Variants in MPP4 observed in about 807,000 individuals in gnomAD.
The protein encoded by MPP4 is MAGUK p55 scaffold protein 4.
Under a neutral mutation model 98.3 loss-of-function variants are expected in MPP4, and 91 were observed. The ratio of observed to expected loss-of-function variants is 0.93; its 90% CI spans 0.78 to 1.10. MPP4 has a LOEUF of 1.10. Among genes scored for constraint, MPP4 ranks in the 50% least tolerant of loss-of-function variants. The probability of loss-of-function intolerance (pLI) is 0.00; values close to 1 mark genes in which losing one functional copy is unlikely to be tolerated. For missense variants in MPP4, 744 were observed against 792.9 expected, an observed-to-expected ratio of 0.94 and a Z score of 0.74; for synonymous variants, 261 against 271.8, an observed-to-expected ratio of 0.96 and a Z score of 0.39.
At chr2:201,684,969 A>C in intron 7 of MPP4, 95 bp downstream of exon 7, 1 of 1,121,288 alleles carries the variant, frequency 8.9e-7, no homozygotes, top group Admixed American at 2.9e-5. Flanking sequence ...AAGAAAAAAA[A>C]AAAGAAAAAA....
chr2:201,661,517 G>A (rs1417497409), intron 14 of MPP4: 3 of 456,390 alleles, frequency 6.6e-6, no homozygotes, highest in East Asian at 1.4e-4. Context: ...TTCCAGCTGA[G>A]AGGAGTCCAC....
intron 1 of MPP4, among the ~76,000 whole-genome samples, chr2:201,695,289 G>A (rs1468793): frequency 0.32 from 47,931 of 151,982 alleles, 8,196 homozygotes; most frequent in East Asian, 0.64. Context: ...AAGAAAACAC[G>A]GGCAAAGAAA....
At chr2:201,691,457 C>T (rs558591235) in intron 3 of MPP4, among the ~76,000 whole-genome samples, 4 of 152,014 alleles carry the variant, frequency 2.6e-5, no homozygotes, top group African/African-American at 7.2e-5. Context: ...ATCTATTAGA[C>T]GCTATTGTAT....
chr2:201,664,473 G>A (rs1485060265), intron 13 of MPP4: 1 of 761,700 alleles, frequency 1.3e-6, no homozygotes, highest in Non-Finnish European at 1.8e-6. Context: ...AGGGCTTGCC[G>A]ATGTAGGAGG....
intron 7 of MPP4, 102 bp downstream of exon 7, chr2:201,684,961 GA>G (rs71025250): frequency 0.37 from 242,055 of 649,428 alleles, 27,653 homozygotes; most frequent in South Asian, 0.42. Flanking sequence ...AAAAAAAAAA[GA>G]AAAAAAAAAA....
intron 7 of MPP4, among the ~76,000 whole-genome samples, chr2:201,683,398 T>C (rs1418138881): frequency 1.3e-5 from 2 of 152,078 alleles, no homozygotes; most frequent in Admixed American, 6.6e-5. Context: ...AAACGAAGCA[T>C]GATAAAAAAT....
At chr2:201,675,023 C>A (rs1224082554) in intron 11 of MPP4, 184 bp downstream of exon 11, 1 of 736,032 alleles carries the variant, frequency 1.4e-6, no homozygotes. Flanking sequence ...ACCACCCCCA[C>A]GCCCTCCCCA....
chr2:201,675,161 CTTTA>C, intron 11 of MPP4, 42 bp downstream of exon 11: 1 of 1,558,614 alleles, frequency 6.4e-7, no homozygotes, highest in Non-Finnish European at 8.7e-7. Context: ...ATGCCATGGT[CTTTA>C]TTGCAAACAG....
chr2:201,666,578 C>T lies in MPP4; in HGVS notation c.1013-206G>A, dbSNP rs369040612. On this transcript the variant is annotated intron_variant, in intron 12 of 21. Coordinates refer to ENST00000409474, the MANE Select transcript of MPP4 (RefSeq NM_033066.3). ...TCTACCAAAAAAAACAAAAATTAGTCGGGTGTGGTAGCACATGCCTATATA... is the reference window on the plus strand; with the variant it reads ...TCTACCAAAAAAAACAAAAATTAGTTGGGTGTGGTAGCACATGCCTATATA... The T allele has an allele frequency of 3.4e-4, 153 of 445,222 alleles. 2 individuals carry two copies. In the East Asian group the frequency reaches 4.8e-3, roughly 14 times the overall value. 27.6% of individuals were successfully genotyped at this position (445,222 alleles called of 1,614,324 possible).
intron 19 of MPP4, 114 bp downstream of exon 19, chr2:201,649,958 C>T: frequency 9.1e-7 from 1 of 1,095,804 alleles, no homozygotes; most frequent in Admixed American, 2.8e-5. Context: ...TTGCTTAACT[C>T]CTCAGAAACA....
chr2:201,683,241 A>C (rs13402805), intron 7 of MPP4, among the ~76,000 whole-genome samples: 1 of 152,130 alleles, frequency 6.6e-6, no homozygotes, highest in African/African-American at 2.4e-5. Flanking sequence ...GTCATAAGTC[A>C]ACAACAAAAA....
At chr2:201,656,827 A>C (rs966736691) in intron 16 of MPP4, among the ~76,000 whole-genome samples, 1 of 152,258 alleles carries the variant, frequency 6.6e-6, no homozygotes, top group Non-Finnish European at 1.5e-5. Flanking sequence ...AAGCCTCTGC[A>C]GAGACGGGCA....
chr2:201,696,316 C>T (rs552752897), intron 1 of MPP4, among the ~76,000 whole-genome samples: 1 of 152,266 alleles, frequency 6.6e-6, no homozygotes, highest in African/African-American at 2.4e-5. Context: ...AATCATTTAG[C>T]ATCACAGCTG....
intron 10 of MPP4, 50 bp downstream of exon 10, chr2:201,680,788 T>G (rs754488501): frequency 6.6e-7 from 1 of 1,522,220 alleles, no homozygotes; most frequent in South Asian, 1.2e-5. Context: ...GAAAAACATT[T>G]TGTTTCCTGA....
intron 2 of MPP4, 126 bp downstream of exon 2, chr2:201,693,750 C>A (rs1689103366): frequency 2.5e-6 from 3 of 1,205,568 alleles, no homozygotes; most frequent in East Asian, 4.7e-5. Flanking sequence ...AGTAGTGCAA[C>A]CAAAAATGTA....
rs567047046 is a variant in MPP4 at position 201,675,834 on chromosome 2, C to A, written c.930-563G>T. Among the ~76,000 whole-genome samples the A allele has an allele frequency of 1.4e-4, 22 of 152,348 alleles. 1 individual carries two copies. The South Asian group carries it at 3.5e-3, about 24-fold the overall frequency. ...CAGGTTTTCCTTGCCTTGCCTACTT[C>A]AAAGCAACTTTCTAAGCAAAGTTGC... On this transcript the variant is annotated intron_variant, in intron 10 of 21. Transcript: ENST00000409474.
intron 7 of MPP4, among the ~76,000 whole-genome samples, chr2:201,684,668 C>T (rs991964874): frequency 6.6e-5 from 10 of 152,142 alleles, no homozygotes; most frequent in African/African-American, 2.4e-5. Context: ...AGGGATTTCT[C>T]AGGACGGGTG....
intron 18 of MPP4, chr2:201,651,849 G>A: frequency 3.1e-6 from 1 of 325,676 alleles, no homozygotes; most frequent in Non-Finnish European, 4.4e-6. Flanking sequence ...AACTACTCAG[G>A]AGGCTGAGGC....
intron 2 of MPP4, among the ~76,000 whole-genome samples, chr2:201,693,255 C>T (rs187176039): frequency 8.5e-4 from 129 of 152,282 alleles, no homozygotes; most frequent in South Asian, 2.3e-3. Context: ...TGAGAAGGTG[C>T]TAGCTTTGTC....
Sources: gnomAD v4.1 joint callset for allele counts (sites outside exome capture counted in the v4.1 genomes callset) on GRCh38, gnomAD v4.1.1 for gene constraint, MANE v1.5 for transcripts, NCBI Gene and HGNC (gene_info 2026-07-23, HGNC 2026-07-21) for gene names.